PHLDB2: variants seen among roughly 807,000 people sequenced by gnomAD.
PHLDB2 encodes the protein pleckstrin homology-like domain family B member 2.
Under a neutral mutation model 123.6 loss-of-function variants are expected in PHLDB2, and 71 were observed. The ratio of observed to expected loss-of-function variants is 0.57; its 90% CI spans 0.47 to 0.70. The LOEUF is 0.70. Ranked by LOEUF, PHLDB2 falls within the 30% of genes least tolerant of loss-of-function variation. The probability of loss-of-function intolerance (pLI) is 0.00; values close to 1 mark genes in which losing one functional copy is unlikely to be tolerated. For synonymous variants in PHLDB2, 547 were observed against 541.6 expected (o/e 1.01, Z -0.14); for missense variants, 1,446 against 1,519.5 (o/e 0.95, Z 0.80).
rs2066091000 is a variant in PHLDB2, at chr3:111,885,111, C to T, written c.1034C>T (p.Ser345Phe). The T allele has an allele frequency of 3.7e-6, 6 of 1,613,978 alleles. No homozygotes were observed. The Admixed American group carries it at 8.3e-5, about 22-fold the overall frequency. Residue 345 changes from serine (S) to phenylalanine (F), a missense_variant, in exon 2 of 18, where the codon TCC (serine) becomes TTC (phenylalanine). Ser to Phe is a radical substitution (Grantham distance 155, BLOSUM62 -2). This residue lies in a region of PHLDB2 where 832 missense variants were observed against 831.9 expected (regional missense o/e 1.00). Transcript: ENST00000431670. ...GTGGCTCGGAAGATGCTTCTGGCCT[C>T]CACCTCCTCCTGTGCCTCTGATGAC... ...PRVARKMLLA[S>F]TSSCASDDFD...
chr3:111,934,955 A>G lies in PHLDB2; in HGVS notation c.2130+2558A>G, dbSNP rs541720383. Among the ~76,000 whole-genome samples, 5 of 152,308 alleles carry G rather than the reference A, an allele frequency of 3.3e-5. No homozygotes were observed. In the South Asian group the frequency reaches 8.3e-4, roughly 25 times the overall value. Reference sequence around the variant, plus strand: ...CTACTAATTGTAGATATCACTGGATAAATTTTTTTAATCAAGACCAAAATC... The same window carrying G: ...CTACTAATTGTAGATATCACTGGATGAATTTTTTTAATCAAGACCAAAATC... On this transcript the variant is annotated intron_variant, in intron 6 of 17. Transcript: ENST00000431670.
At chr3:111,885,591 G>C (rs1333110938) in intron 2 of PHLDB2, 179 bp downstream of exon 2, 1 of 846,802 alleles carries the variant, frequency 1.2e-6, no homozygotes, top group Non-Finnish European at 1.9e-6. Context: ...CTATTAATAG[G>C]CTTGTTTGGC....
chr3:111,885,855 A>G, intron 2 of PHLDB2: 1 of 505,252 alleles, frequency 2.0e-6, no homozygotes, highest in South Asian at 2.6e-5. Flanking sequence ...TTGTCTTTAT[A>G]GCAAGTTGTC....
At chr3:111,928,871 T>C (rs1393292492) in intron 5 of PHLDB2, among the ~76,000 whole-genome samples, 2 of 152,242 alleles carry the variant, frequency 1.3e-5, no homozygotes, top group African/African-American at 4.8e-5. Context: ...TTTGTGGTTT[T>C]ATAAATGCCC....
At chr3:111,841,995 A>T (rs2108556298) in intron 1 of PHLDB2, among the ~76,000 whole-genome samples, 1 of 152,282 alleles carries the variant, frequency 6.6e-6, no homozygotes, top group South Asian at 2.1e-4. Context: ...CTAGGTCTGC[A>T]TTTTGTCTTC....
intron 1 of PHLDB2, among the ~76,000 whole-genome samples, chr3:111,866,342 A>G (rs2065081078): frequency 6.6e-6 from 1 of 152,058 alleles, no homozygotes; most frequent in African/African-American, 2.4e-5. Flanking sequence ...TGTGATGTAA[A>G]GCGAAATGCA....
Position 111,850,683 on chromosome 3 carries a change from G to A in PHLDB2, c.67+4748G>A, listed in dbSNP as rs188515562. On this transcript the variant is annotated intron_variant, in intron 2 of 17. Transcript: ENST00000393923. ...GAAGGCTGAGGCACGAGGATGGCTT[G>A]AGTCCAGGTTTCAAGTTACAATGAT... 5.2e-3 allele frequency among the ~76,000 whole-genome samples: 789 copies of A among 152,208 alleles called. 11 individuals are homozygous for A. The highest frequency in any genetic ancestry group is 9.0e-3 in the Non-Finnish European group (614 of 68,008).
chr3:111,954,158 T>C (rs2070883805), intron 12 of PHLDB2, 129 bp downstream of exon 12: 3 of 722,288 alleles, frequency 4.2e-6, no homozygotes, highest in Non-Finnish European at 6.8e-6. Context: ...TTACTCTTAA[T>C]GTGTTCTCTT....
At chr3:111,769,641 A>T (rs6438011) in intron 1 of PHLDB2, among the ~76,000 whole-genome samples, 150,573 of 152,354 alleles carry the variant, frequency 0.99, 74,444 homozygotes, top group Middle Eastern at 1. Context: ...GAGTTCCTCA[A>T]TTCCAACATT....
intron 1 of PHLDB2, among the ~76,000 whole-genome samples, chr3:111,751,158 G>C (rs1262228228): frequency 6.9e-6 from 1 of 144,914 alleles, no homozygotes; most frequent in Non-Finnish European, 1.5e-5. Flanking sequence ...AAGCAGAAAG[G>C]AGACAATGGG....
chr3:111,929,910 AT>A (rs34482002), intron 5 of PHLDB2, among the ~76,000 whole-genome samples: 64,671 of 122,970 alleles, frequency 0.53, 16,528 homozygotes, highest in East Asian at 0.76. Context: ...TAAATATAAG[AT>A]TTTTTTTTTT....
At chr3:111,825,595 GCAC>G (rs1178662589) in intron 1 of PHLDB2, among the ~76,000 whole-genome samples, 2 of 152,162 alleles carry the variant, frequency 1.3e-5, no homozygotes, top group East Asian at 3.9e-4. Context: ...TTACAGGCGT[GCAC>G]CACCATGTCT....
At chr3:111,781,925 G>A (rs4682312) in intron 1 of PHLDB2, among the ~76,000 whole-genome samples, 65,492 of 151,924 alleles carry the variant, frequency 0.43, 17,381 homozygotes, top group East Asian at 0.77. Flanking sequence ...AACAGAAGCA[G>A]TATTGCCGTG....
At chr3:111,877,866 CAGATGGTTGT>C (rs200608512) in intron 1 of PHLDB2, among the ~76,000 whole-genome samples, 3,082 of 152,184 alleles carry the variant, frequency 0.02, 125 homozygotes, top group African/African-American at 0.07. Context: ...TGTCAAAGAT[CAGATGGTTGT>C]AGATGGGTGG....
chr3:111,963,652 A>G (rs760597483), intron 13 of PHLDB2, among the ~76,000 whole-genome samples: 12 of 152,224 alleles, frequency 7.9e-5, no homozygotes, highest in Non-Finnish European at 1.5e-4. Context: ...GAGTAATCCT[A>G]TCATCCTACA....
At chr3:111,922,270 A>G (rs1179181374) in intron 5 of PHLDB2, among the ~76,000 whole-genome samples, 3 of 152,136 alleles carry the variant, frequency 2.0e-5, no homozygotes, top group African/African-American at 4.8e-5. Context: ...CTATTTGTGT[A>G]TTTCTCATTA....
At chr3:111,792,851 ATTAAT>A (rs1343398039) in intron 1 of PHLDB2, among the ~76,000 whole-genome samples, 2 of 152,370 alleles carry the variant, frequency 1.3e-5, no homozygotes, top group East Asian at 3.9e-4. Flanking sequence ...CAAGATTATG[ATTAAT>A]TTATTTCTGT....
intron 1 of PHLDB2, among the ~76,000 whole-genome samples, chr3:111,805,999 T>C (rs1314172929): frequency 6.7e-6 from 1 of 150,186 alleles, no homozygotes; most frequent in Non-Finnish European, 1.5e-5. Context: ...TGGTCAAGAG[T>C]TATCAATTGG....
intron 2 of PHLDB2, among the ~76,000 whole-genome samples, chr3:111,904,851 G>A (rs932452235): frequency 6.6e-5 from 10 of 152,172 alleles, no homozygotes; most frequent in African/African-American, 2.4e-4. Context: ...AGATAACTGA[G>A]CTAATGCTTA....
Sources: allele counts gnomAD v4.1 joint callset (sites outside exome capture counted in the v4.1 genomes callset), GRCh38; gene constraint gnomAD v4.1.1; regional missense constraint gnomAD v4.1.1; transcripts MANE v1.5; gene names NCBI Gene and HGNC (gene_info 2026-07-23, HGNC 2026-07-21).